RABGEF1: variants seen among roughly 807,000 people sequenced by gnomAD.
The protein encoded by RABGEF1 is RAB guanine nucleotide exchange factor 1, also known as rab5 GDP/GTP exchange factor.
A neutral mutation model predicts 57.3 loss-of-function variants in RABGEF1; 26 were observed. The ratio of observed to expected loss-of-function variants is 0.45; its 90% CI spans 0.33 to 0.63. The LOEUF is 0.63. Among genes scored for constraint, RABGEF1 ranks in the 20% least tolerant of loss-of-function variants. The pLI is 0.02. For missense variants in RABGEF1, 464 were observed against 607.6 expected, an observed-to-expected ratio of 0.76 and a Z score of 2.48; for synonymous variants, 185 against 210.7, an observed-to-expected ratio of 0.88 and a Z score of 1.06.
chr7:66,793,050 G>A (rs1178952354), intron 4 of RABGEF1, among the ~76,000 whole-genome samples: 1 of 152,182 alleles, frequency 6.6e-6, no homozygotes, highest in Non-Finnish European at 1.5e-5. Flanking sequence ...AATTACAGGG[G>A]TTGTGCTGGG....
intron 3 of RABGEF1, among the ~76,000 whole-genome samples, 170 bp downstream of exon 3, chr7:66,775,563 C>T (rs913385129): frequency 6.6e-6 from 1 of 152,170 alleles, no homozygotes; most frequent in Non-Finnish European, 1.5e-5. Context: ...AATCAATACT[C>T]TCTTTGGTTG....
At chr7:66,712,690 C>T (rs1229733070) in intron 2 of RABGEF1, among the ~76,000 whole-genome samples, 1 of 152,198 alleles carries the variant, frequency 6.6e-6, no homozygotes, top group African/African-American at 2.4e-5. Flanking sequence ...CAGATTGGAT[C>T]TTGAATTCCC....
chr7:66,797,320 A>AAAG, intron 5 of RABGEF1, 54 bp from the exon 6 acceptor site: 1 of 1,162,014 alleles, frequency 8.6e-7, no homozygotes, highest in Non-Finnish European at 1.2e-6. Flanking sequence ...AAAAAAAAAA[A>AAAG]AGAGAGAGAA....
chr7:66,756,887 A>G (rs1802852252), intron 1 of RABGEF1, among the ~76,000 whole-genome samples: 2 of 152,142 alleles, frequency 1.3e-5, no homozygotes, highest in South Asian at 2.1e-4. Context: ...ACATTAAATT[A>G]CCTTATATAT....
At chr7:66,681,939 C>A (rs1421188978), upstream of RABGEF1, among the ~76,000 whole-genome samples, 1 of 152,186 alleles carries the variant, frequency 6.6e-6, no homozygotes, top group Non-Finnish European at 1.5e-5. Context: ...GGCTCCCCAG[C>A]GCCCCAGCTT....
At position 66,690,055 on chromosome 7, in the gene RABGEF1, A is replaced by G. The variant is rs569744197; in HGVS notation, c.-873+7797A>G. On this transcript the variant is annotated intron_variant and NMD_transcript_variant, in intron 1 of 9. Transcript: ENST00000607882. ...ACTAGAGCCAGACAAAGGCACTACAAGAAAACAACTGATCAATATTGTTTA... is the reference window on the plus strand; with the variant it reads ...ACTAGAGCCAGACAAAGGCACTACAGGAAAACAACTGATCAATATTGTTTA... Among the ~76,000 whole-genome samples the G allele has an allele frequency of 6.0e-4, 92 of 152,204 alleles. 1 individual carries two copies. The South Asian group carries it at 0.012, about 20-fold the overall frequency.
the RABGEF1 span, among the ~76,000 whole-genome samples, chr7:66,670,894 T>TACACACAC: frequency 8.6e-3 from 1,259 of 145,662 alleles, 12 homozygotes; most frequent in South Asian, 0.028. Flanking sequence ...CACATACGTA[T>TACACACAC]ACACACACAC....
intron 1 of RABGEF1, among the ~76,000 whole-genome samples, chr7:66,756,993 T>G (rs1802888360): frequency 6.6e-6 from 1 of 152,190 alleles, no homozygotes; most frequent in African/African-American, 2.4e-5. Flanking sequence ...AAATAAAAAT[T>G]CAGAAAATTA....
chr7:66,674,192 CTT>C, the RABGEF1 span, among the ~76,000 whole-genome samples: 7 of 139,274 alleles, frequency 5.0e-5, no homozygotes, highest in Admixed American at 7.2e-5. Context: ...CCACTAAAGG[CTT>C]TTTTTTTTTT....
intron 3 of RABGEF1, among the ~76,000 whole-genome samples, chr7:66,778,854 G>T (rs1474318992): frequency 6.6e-6 from 1 of 152,200 alleles, no homozygotes; most frequent in Non-Finnish European, 1.5e-5. Context: ...GGTGGCTCAG[G>T]CCTATAATCC....
intron 1 of RABGEF1, among the ~76,000 whole-genome samples, chr7:66,699,260 C>A (rs1792844591): frequency 2.0e-5 from 3 of 152,346 alleles, no homozygotes; most frequent in African/African-American, 2.4e-5. Flanking sequence ...GGCATACATT[C>A]TTCTTTTTCT....
intron 4 of RABGEF1, among the ~76,000 whole-genome samples, chr7:66,786,276 T>C (rs1325158846): frequency 6.6e-6 from 1 of 151,922 alleles, no homozygotes; most frequent in Admixed American, 6.6e-5. Context: ...AGAAACACCT[T>C]GTCTACACTA....
At chr7:66,794,622 G>A (rs1277390898) in intron 4 of RABGEF1, among the ~76,000 whole-genome samples, 1 of 152,208 alleles carries the variant, frequency 6.6e-6, no homozygotes, top group African/African-American at 2.4e-5. Flanking sequence ...GTGCATACAC[G>A]TGGTTAATGA....
chr7:66,790,910 A>G (rs370498866), intron 4 of RABGEF1, among the ~76,000 whole-genome samples: 3 of 152,206 alleles, frequency 2.0e-5, no homozygotes, highest in African/African-American at 7.2e-5. Flanking sequence ...AGTGACATCA[A>G]AGTATTTTAA....
At chr7:66,771,786 G>A (rs1807214047) in intron 1 of RABGEF1, 97 bp from the exon 2 acceptor site, 4 of 857,158 alleles carry the variant, frequency 4.7e-6, no homozygotes, top group Non-Finnish European at 6.6e-6. Context: ...TTAACAGCTT[G>A]AAGATAATGG....
At chr7:66,707,614 G>C (rs553720564) in intron 1 of RABGEF1, among the ~76,000 whole-genome samples, 1 of 152,244 alleles carries the variant, frequency 6.6e-6, no homozygotes, top group East Asian at 1.9e-4. Context: ...CTTGAACCTG[G>C]GAGGTGGAAG....
At chr7:66,764,837 A>G (rs1296990253) in intron 1 of RABGEF1, among the ~76,000 whole-genome samples, 1 of 152,218 alleles carries the variant, frequency 6.6e-6, no homozygotes, top group Non-Finnish European at 1.5e-5. Context: ...TCCTTGTGCC[A>G]GTACCGCGCT....
intron 2 of RABGEF1, among the ~76,000 whole-genome samples, chr7:66,715,681 T>C (rs529338223): frequency 6.6e-6 from 1 of 152,228 alleles, no homozygotes; most frequent in Non-Finnish European, 1.5e-5. Flanking sequence ...TATATAATTT[T>C]AAATTACAAA....
chr7:66,726,105 A>T (rs1796557819), intron 2 of RABGEF1, among the ~76,000 whole-genome samples: 1 of 151,668 alleles, frequency 6.6e-6, no homozygotes, highest in Non-Finnish European at 1.5e-5. Flanking sequence ...CTACTCAGAC[A>T]GGGCCAGAAG....
Sources: gnomAD v4.1 joint callset for allele counts (sites outside exome capture counted in the v4.1 genomes callset) on GRCh38, gnomAD v4.1.1 for gene constraint, MANE v1.5 for transcripts, NCBI Gene and HGNC (gene_info 2026-07-23, HGNC 2026-07-21) for gene names.